Variants in CSMD3 observed in about 807,000 individuals in gnomAD.
CSMD3 encodes the protein CUB and sushi domain-containing protein 3.
In CSMD3, 177 loss-of-function variants were observed where a neutral mutation model predicts 435.2. That is an observed-to-expected ratio of 0.41 (90% CI 0.36 to 0.46). CSMD3 has a LOEUF of 0.46. Ranked by LOEUF, CSMD3 falls within the 20% of genes least tolerant of loss-of-function variation. The pLI, the probability that CSMD3 is intolerant of heterozygous loss-of-function variation, is 0.34. For synonymous variants in CSMD3, 1,656 were observed against 1,520.5 expected (o/e 1.09, Z -2.07); for missense variants, 4,265 against 4,504.6 (o/e 0.95, Z 1.52).
At chr8:112,301,686 T>C in intron 53 of CSMD3, 107 bp downstream of exon 53, 1 of 833,690 alleles carries the variant, frequency 1.2e-6, no homozygotes. Flanking sequence ...TTAACATACT[T>C]ACTGAATGAA....
At chr8:112,408,818 A>G (rs1226997454) in intron 33 of CSMD3, 101 bp downstream of exon 33, 19 of 1,578,326 alleles carry the variant, frequency 1.2e-5, no homozygotes, top group Non-Finnish European at 1.6e-5. Context: ...AGTTTGCTTT[A>G]TTTCTTATAT....
chr8:112,803,657 A>G (rs959105451), intron 12 of CSMD3, among the ~76,000 whole-genome samples: 5 of 152,212 alleles, frequency 3.3e-5, no homozygotes, highest in Non-Finnish European at 7.3e-5. Context: ...AATAAGCCAA[A>G]AAGTCATATA....
chr8:112,814,201 G>A (rs1453513680), intron 12 of CSMD3, among the ~76,000 whole-genome samples: 1 of 152,056 alleles, frequency 6.6e-6, no homozygotes, highest in Non-Finnish European at 1.5e-5. Context: ...ATTGATTCAG[G>A]GGCAATAAGT....
chr8:113,420,820 G>C (rs976737437), intron 1 of CSMD3, among the ~76,000 whole-genome samples: 1 of 151,796 alleles, frequency 6.6e-6, no homozygotes, highest in African/African-American at 2.4e-5. Context: ...TTGGTGTCAG[G>C]CACCTGCAAT....
chr8:113,388,527 C>A (rs1409078782), intron 1 of CSMD3, among the ~76,000 whole-genome samples: 1 of 151,496 alleles, frequency 6.6e-6, no homozygotes, highest in Non-Finnish European at 1.5e-5. Flanking sequence ...TGACCAACAT[C>A]TTTAATTTTT....
intron 32 of CSMD3, among the ~76,000 whole-genome samples, chr8:112,445,616 A>G (rs192669612): frequency 2.5e-4 from 38 of 152,286 alleles, no homozygotes; most frequent in African/African-American, 9.1e-4. Context: ...ATCTGCTTCC[A>G]TGACCTAATC....
At chr8:112,598,885 C>T (rs1277066730) in intron 22 of CSMD3, among the ~76,000 whole-genome samples, 4 of 152,210 alleles carry the variant, frequency 2.6e-5, no homozygotes, top group Middle Eastern at 3.4e-3. Flanking sequence ...GGATTAAAGA[C>T]TTAAACGTTA....
intron 35 of CSMD3, among the ~76,000 whole-genome samples, chr8:112,398,544 T>C (rs1357113857): frequency 4.0e-5 from 6 of 150,100 alleles, no homozygotes; most frequent in Admixed American, 4.0e-4. Context: ...AGGACACCCT[T>C]TGAAATCTAC....
At chr8:112,332,092 C>T (rs1824121444) in intron 45 of CSMD3, among the ~76,000 whole-genome samples, 1 of 152,042 alleles carries the variant, frequency 6.6e-6, no homozygotes, top group Non-Finnish European at 1.5e-5. Context: ...ATGCACACTT[C>T]CCACTGTAAC....
At chr8:112,464,237 CAAAAAAA>C (rs34572260) in intron 32 of CSMD3, among the ~76,000 whole-genome samples, 6 of 81,222 alleles carry the variant, frequency 7.4e-5, no homozygotes, top group African/African-American at 2.3e-4. Context: ...GACTCTGTTT[CAAAAAAA>C]AAAAAAAAAA....
intron 3 of CSMD3, among the ~76,000 whole-genome samples, chr8:113,215,943 T>G (rs1178699245): frequency 1.3e-5 from 2 of 151,810 alleles, no homozygotes; most frequent in Non-Finnish European, 2.9e-5. Context: ...AAAAGATATA[T>G]TAAACTTCCA....
At chr8:112,700,048 T>G (rs1358870449) in intron 13 of CSMD3, among the ~76,000 whole-genome samples, 1 of 152,170 alleles carries the variant, frequency 6.6e-6, no homozygotes, top group Admixed American at 6.5e-5. Flanking sequence ...GATTTTCTGA[T>G]TTGTATGGTT....
chr8:112,713,153 G>T (rs2076647027), intron 13 of CSMD3, among the ~76,000 whole-genome samples: 1 of 152,028 alleles, frequency 6.6e-6, no homozygotes, highest in African/African-American at 2.4e-5. Flanking sequence ...TGGGGCAGGG[G>T]AGATCCCACC....
At chr8:112,434,081 T>A (rs761619991) in intron 32 of CSMD3, among the ~76,000 whole-genome samples, 3 of 152,074 alleles carry the variant, frequency 2.0e-5, no homozygotes, top group Non-Finnish European at 4.4e-5. Context: ...TTGGAGGTGT[T>A]TACCTGTGCC....
intron 53 of CSMD3, among the ~76,000 whole-genome samples, chr8:112,300,825 A>C (rs981458935): frequency 7.4e-4 from 112 of 152,316 alleles, no homozygotes; most frequent in African/African-American, 2.6e-3. Context: ...ATTTCAAATA[A>C]TGATTGTATT....
At chr8:112,962,220 G>T (rs2084258418) in intron 7 of CSMD3, among the ~76,000 whole-genome samples, 1 of 148,970 alleles carries the variant, frequency 6.7e-6, no homozygotes. Flanking sequence ...CTTTTGTTTT[G>T]TTTCTAATTG....
intron 22 of CSMD3, among the ~76,000 whole-genome samples, chr8:112,613,362 C>A (rs866151828): frequency 6.6e-6 from 1 of 152,048 alleles, no homozygotes; most frequent in African/African-American, 2.4e-5. Flanking sequence ...AAGGAGAAAT[C>A]CTCTTGTGGT....
chr8:112,226,928 T>C (rs1483626687), intron 70 of CSMD3, among the ~76,000 whole-genome samples: 1 of 152,156 alleles, frequency 6.6e-6, no homozygotes, highest in Non-Finnish European at 1.5e-5. Flanking sequence ...ATAACAAGTG[T>C]TGGTTAGGCT....
chr8:113,397,076 T>C (rs1194391305), intron 1 of CSMD3, among the ~76,000 whole-genome samples: 1 of 152,188 alleles, frequency 6.6e-6, no homozygotes, highest in Non-Finnish European at 1.5e-5. Flanking sequence ...TTTAAGTTTC[T>C]ATAGGAACTG....
Sources: gnomAD v4.1 joint callset for allele counts (sites outside exome capture counted in the v4.1 genomes callset) on GRCh38, gnomAD v4.1.1 for gene constraint, MANE v1.5 for transcripts, NCBI Gene and HGNC (gene_info 2026-07-23, HGNC 2026-07-21) for gene names.